The following THUMPD2 variants were observed in gnomAD, a reference collection of about 807,000 sequenced individuals.
THUMPD2 encodes THUMP domain 2 tRNA and snRNA guanosine methyltransferase.
In THUMPD2, 56 loss-of-function variants were observed where a neutral mutation model predicts 49.4. The observed-to-expected ratio is 1.13, with a 90% CI of 0.91 to 1.41. THUMPD2 has a LOEUF of 1.41. Ranked by LOEUF, THUMPD2 falls within the 40% of genes most tolerant of loss-of-function variation. THUMPD2 has a pLI of 0.00. For synonymous variants in THUMPD2, 237 were observed against 205.2 expected (o/e 1.15, Z -1.32); for missense variants, 709 against 594.5 (o/e 1.19, Z -2.00).
upstream of THUMPD2, chr2:39,779,274 C>A: frequency 7.5e-7 from 1 of 1,334,902 alleles, no homozygotes; most frequent in Non-Finnish European, 9.6e-7. Flanking sequence ...CTTCGGGTCA[C>A]GTGGCCTCGG....
intron 9 of THUMPD2, among the ~76,000 whole-genome samples, chr2:39,742,790 C>T (rs545735050): frequency 4.3e-4 from 65 of 152,192 alleles, no homozygotes; most frequent in Admixed American, 5.9e-4. Context: ...TTAGCGCCTT[C>T]GTGGGGAGGG....
In THUMPD2 at chr2:39,736,565, T is replaced by TAAAGC. The variant is rs1205817465; in HGVS notation, c.*165_*169dup. On this transcript the variant is annotated 3_prime_UTR_variant, in exon 10 of 10. Coordinates refer to ENST00000505747, the MANE Select transcript of THUMPD2 (RefSeq NM_025264.5). ...CAAAAACATTAAGTACTTTAGAATA[T>TAAAGC]AAAGCAGAAACTCTTACCAAGCATG... The TAAAGC allele has an allele frequency of 1.9e-6, 1 of 514,534 alleles. No individual in the cohort carries two copies. Among genetic ancestry groups the TAAAGC allele is most frequent in the Non-Finnish European group, 3.4e-6 (1 of 297,648 alleles). The allele number at this position is 514,534 out of a possible 1,614,324, so 31.9% of individuals were successfully genotyped here.
chr2:39,755,265 C>A, intron 8 of THUMPD2, 30 bp downstream of exon 8: 1 of 1,329,410 alleles, frequency 7.5e-7, no homozygotes, highest in South Asian at 1.3e-5. Context: ...TGTTCCTTTT[C>A]TCAATTGTTT....
chr2:39,739,172 T>C (rs946710088), intron 9 of THUMPD2, among the ~76,000 whole-genome samples: 1 of 152,130 alleles, frequency 6.6e-6, no homozygotes, highest in Non-Finnish European at 1.5e-5. Context: ...CTTTGCTAAC[T>C]CCTCAGTTGC....
chr2:39,774,271 T>C (rs939874089), intron 1 of THUMPD2, among the ~76,000 whole-genome samples: 3 of 152,252 alleles, frequency 2.0e-5, no homozygotes, highest in Non-Finnish European at 2.9e-5. Context: ...TCAATCTTTC[T>C]TAAATGTATG....
intron 8 of THUMPD2, among the ~76,000 whole-genome samples, chr2:39,749,037 T>C (rs1387275393): frequency 6.6e-6 from 1 of 152,084 alleles, no homozygotes; most frequent in African/African-American, 2.4e-5. Flanking sequence ...TCTGTTTCAA[T>C]GGACACTACA....
intron 2 of THUMPD2, among the ~76,000 whole-genome samples, chr2:39,770,739 T>C (rs1682819485): frequency 6.6e-6 from 1 of 152,098 alleles, no homozygotes; most frequent in African/African-American, 2.4e-5. Flanking sequence ...TGTAGAGTAC[T>C]AGGAGGAATT....
intron 1 of THUMPD2, among the ~76,000 whole-genome samples, chr2:39,775,980 T>A (rs1331421256): frequency 1.3e-5 from 2 of 152,168 alleles, no homozygotes; most frequent in African/African-American, 4.8e-5. Context: ...GTGTTTGATA[T>A]GTGAGTTTAT....
intron 6 of THUMPD2, among the ~76,000 whole-genome samples, chr2:39,756,299 T>C (rs1331793068): frequency 6.6e-6 from 1 of 152,042 alleles, no homozygotes; most frequent in Non-Finnish European, 1.5e-5. Flanking sequence ...GATTCTGGTA[T>C]GCTGGTAGAC....
intron 1 of THUMPD2, among the ~76,000 whole-genome samples, chr2:39,772,264 CA>C (rs1314376941): frequency 1.3e-5 from 2 of 152,112 alleles, no homozygotes; most frequent in African/African-American, 4.8e-5. Context: ...TTGATAGTGT[CA>C]GGTGGATGGA....
chr2:39,739,630 G>C (rs996183151), intron 9 of THUMPD2, among the ~76,000 whole-genome samples: 4 of 152,216 alleles, frequency 2.6e-5, no homozygotes, highest in African/African-American at 9.6e-5. Flanking sequence ...CCAAGTACAT[G>C]CAAGTGCATG....
chr2:39,771,907 A>G (rs956075020), intron 1 of THUMPD2, among the ~76,000 whole-genome samples: 2 of 152,194 alleles, frequency 1.3e-5, no homozygotes, highest in East Asian at 1.9e-4. Flanking sequence ...CCCAAGATGG[A>G]TATTTATTGA....
rs1357127045 is a variant in THUMPD2, at chr2:39,769,862, G to C, written c.520C>G (p.Gln174Glu). 1.2e-6 allele frequency: 2 copies of C among 1,607,558 alleles called. No individual in the cohort carries two copies. Among genetic ancestry groups the C allele is most frequent in the Non-Finnish European group, 1.7e-6 (2 of 1,178,112 alleles). ...EKQIKEETLE[Q>E]RDFTTKSEKF... is the part of the protein sequence containing the mutation. ...TCGCTTTTAGTGGTAAAATCTCTTTGCTCCAGAGTTTCTTCTTTTATTTGT... is the reference window on the plus strand; with the variant it reads ...TCGCTTTTAGTGGTAAAATCTCTTTCCTCCAGAGTTTCTTCTTTTATTTGT... Residue 174 changes from glutamine (Q) to glutamate (E), a missense_variant, in exon 3 of 10, where the codon CAA (glutamine) becomes GAA (glutamate). Physicochemically the swap from Gln to Glu is conservative, Grantham distance 29. Transcript: ENST00000505747.
intron 8 of THUMPD2, among the ~76,000 whole-genome samples, chr2:39,745,307 G>C (rs1457612861): frequency 6.6e-6 from 1 of 152,132 alleles, no homozygotes; most frequent in African/African-American, 2.4e-5. Flanking sequence ...GCAACAAAAA[G>C]TGCTTTGTAA....
At chr2:39,755,823 G>A in intron 7 of THUMPD2, 66 bp downstream of exon 7, 1 of 1,279,858 alleles carries the variant, frequency 7.8e-7, no homozygotes, top group Non-Finnish European at 1.1e-6. Flanking sequence ...TAAATAATTG[G>A]TGATTATACT....
intron 1 of THUMPD2, among the ~76,000 whole-genome samples, chr2:39,777,322 T>C (rs978799560): frequency 6.6e-6 from 1 of 152,236 alleles, no homozygotes; most frequent in African/African-American, 2.4e-5. Context: ...GTCTTTTGAT[T>C]CTAAAGACCA....
In THUMPD2 at chr2:39,771,495, TATG is replaced by T. The variant is rs752552579; in HGVS notation, c.262+7_262+9del. 1.9e-6 allele frequency: 3 copies of T among 1,586,254 alleles called. No individual in the cohort carries two copies. Among genetic ancestry groups the T allele is most frequent in the Admixed American group, 3.9e-5 (2 of 51,070 alleles). On this transcript the variant is annotated splice_region_variant and intron_variant, in intron 2 of 9. Coordinates refer to ENST00000505747, the MANE Select transcript of THUMPD2 (RefSeq NM_025264.5). ...TGGGTAAAAGCAACATGCATATGAATATGCCATACCTTTACTTACAGAAGAAAT... is the reference window on the plus strand; with the variant it reads ...TGGGTAAAAGCAACATGCATATGAATCCATACCTTTACTTACAGAAGAAAT...
intron 8 of THUMPD2, among the ~76,000 whole-genome samples, chr2:39,750,703 T>C (rs1426558858): frequency 1.9e-5 from 2 of 105,628 alleles, no homozygotes; most frequent in Admixed American, 1.0e-4. Flanking sequence ...CAAGACTGTT[T>C]CAAAAAACAA....
chr2:39,755,390 G>A lies in THUMPD2; in HGVS notation c.983C>T (p.Ala328Val). ...TAGTAACTGTGAGTCGCTGACATCA[G>A]CACCTACATAATACACATCCTATGG... ...KEWPDVYYVG[A>V]DVSDSQLLGT... Residue 328 changes from alanine to valine, a missense_variant, in exon 8 of 10, where the codon GCT becomes GTT. Transcript: ENST00000505747. 1 of 1,566,070 alleles carries A rather than the reference G, an allele frequency of 6.4e-7. No individual in the cohort carries two copies. Among genetic ancestry groups the A allele is most frequent in the Admixed American group, 2.1e-5 (1 of 48,724 alleles).
Sources: gnomAD v4.1 joint callset for allele counts (sites outside exome capture counted in the v4.1 genomes callset) on GRCh38, gnomAD v4.1.1 for gene constraint, MANE v1.5 for transcripts, NCBI Gene and HGNC (gene_info 2026-07-23, HGNC 2026-07-21) for gene names.